The following LAMP2 variants were observed in gnomAD, a reference collection of about 807,000 sequenced individuals.
LAMP2 encodes the protein lysosome associated membrane protein 2.
Under a neutral mutation model 25.6 loss-of-function variants are expected in LAMP2, and 4 were observed. The ratio of observed to expected loss-of-function variants is 0.16; its 90% CI spans 0.08 to 0.36. The LOEUF is 0.36. Among genes scored for constraint, LAMP2 ranks in the 10% least tolerant of loss-of-function variants. The pLI, the probability that LAMP2 is intolerant of heterozygous loss-of-function variation, is 1.00. For synonymous variants in LAMP2, 108 were observed against 112.7 expected (o/e 0.96, Z 0.27); for missense variants, 272 against 301.4 (o/e 0.90, Z 0.72).
At position 120,430,333 on chromosome X, in the gene LAMP2, G is replaced by T; in HGVS notation, c.*990C>A. On this transcript the variant is annotated 3_prime_UTR_variant, in exon 9 of 9. Transcript: ENST00000200639. ...ACTGCCCCACAGGGGCCATCTTGAA[G>T]AAACAAGAGCCTAGTTGCTATGCTT... 1 of 754,650 alleles carries T rather than the reference G, an allele frequency of 1.3e-6. No individual in the cohort carries two copies. The highest frequency in any genetic ancestry group is 1.6e-6 in the Non-Finnish European group (1 of 639,397). The allele number at this position is 754,650 out of a possible 1,213,427, so 62.2% of individuals were successfully genotyped here.
intron 1 of LAMP2, among the ~76,000 whole-genome samples, chrX:120,461,624 C>T (rs1602543385): frequency 8.9e-6 from 1 of 112,091 alleles, no homozygotes; most frequent in Non-Finnish European, 1.9e-5. Context: ...CAACCCCTAG[C>T]AGTGTGTCTT....
intron 1 of LAMP2, among the ~76,000 whole-genome samples, chrX:120,467,335 CTTAG>C (rs768353737): frequency 3.4e-4 from 38 of 111,438 alleles, no homozygotes; most frequent in African/African-American, 1.2e-3. Flanking sequence ...CTGCCCTGTG[CTTAG>C]TTAGGATGTT....
chrX:120,430,659 G>T lies in LAMP2; in HGVS notation c.*664C>A. ...TAATTACGAAGCCAGTTTAAGTTCT[G>T]TTGTAGCCTCTTGGGTCTGTATCAT... On this transcript the variant is annotated 3_prime_UTR_variant, in exon 9 of 9. Coordinates refer to ENST00000200639, the MANE Select transcript of LAMP2 (RefSeq NM_002294.3). The T allele has an allele frequency of 2.7e-6, 2 of 752,681 alleles. No individual in the cohort carries two copies. The highest frequency in any genetic ancestry group is 3.1e-6 in the Non-Finnish European group (2 of 637,822). 62.0% of individuals were successfully genotyped at this position (752,681 alleles called of 1,213,427 possible). A position where few individuals can be genotyped will look rare whatever the true frequency, so the allele number is the denominator to read the frequency against.
intron 3 of LAMP2, among the ~76,000 whole-genome samples, chrX:120,452,747 T>A (rs1413476099): frequency 3.5e-5 from 3 of 84,788 alleles, no homozygotes; most frequent in African/African-American, 1.4e-4. Flanking sequence ...AGAGACAAAG[T>A]CTTAATATGT....
chrX:120,456,614 C>T (rs925848148), intron 2 of LAMP2, 37 bp downstream of exon 2: 3 of 703,812 alleles, frequency 4.3e-6, no homozygotes, highest in Non-Finnish European at 6.6e-6. Context: ...TAAATTCCTA[C>T]TATAAAACTC....
At chrX:120,459,306 C>T (rs1252490747) in intron 1 of LAMP2, among the ~76,000 whole-genome samples, 1 of 112,239 alleles carries the variant, frequency 8.9e-6, no homozygotes, top group Non-Finnish European at 1.9e-5. Context: ...CAGAAATCAC[C>T]ACCCACTATA....
At chrX:120,442,837 T>G (rs2147279636) in intron 6 of LAMP2, among the ~76,000 whole-genome samples, 175 bp from the exon 7 acceptor site, 1 of 112,194 alleles carries the variant, frequency 8.9e-6, no homozygotes, top group South Asian at 3.7e-4. Flanking sequence ...CAGAAATCCC[T>G]TTCCTCTGTA....
chrX:120,442,024 A>G, intron 7 of LAMP2, 130 bp from the exon 8 acceptor site: 1 of 546,576 alleles, frequency 1.8e-6, no homozygotes, highest in Non-Finnish European at 3.1e-6. Flanking sequence ...AGATCACGTG[A>G]GCCCAGGAGA....
chrX:120,431,117 G>C lies in LAMP2; in HGVS notation c.*206C>G. On this transcript the variant is annotated 3_prime_UTR_variant, in exon 9 of 9. Coordinates refer to ENST00000200639, the MANE Select transcript of LAMP2 (RefSeq NM_002294.3). ...GTTCTTTTGAACAAGTTTGTCTCCA[G>C]GACCAGTAAATATGACACTTTGGAT... The C allele has an allele frequency of 9.5e-7, 1 of 1,053,024 alleles. No individual in the cohort carries two copies. The allele number at this position is 1,053,024 out of a possible 1,213,427, so 86.8% of individuals were successfully genotyped here.
chrX:120,459,931 T>C lies in LAMP2; in HGVS notation c.65-3162A>G, dbSNP rs1921248562. Among the ~76,000 whole-genome samples the C allele has an allele frequency of 3.6e-5, 4 of 112,387 alleles. 1 individual carries two copies. The highest frequency in any genetic ancestry group is 1.9e-4 in the Admixed American group (2 of 10,583). Reference sequence around the variant, plus strand: ...ATTCACACATATTTTGTATGTTATATATGTGTTACATACTGTGTTTTGAAA... The same window carrying C: ...ATTCACACATATTTTGTATGTTATACATGTGTTACATACTGTGTTTTGAAA... On this transcript the variant is annotated intron_variant, in intron 1 of 8. Transcript: ENST00000200639.
intron 1 of LAMP2, among the ~76,000 whole-genome samples, chrX:120,466,623 T>G (rs949448842): frequency 1.1e-4 from 12 of 111,676 alleles, no homozygotes; most frequent in Non-Finnish European, 1.9e-4. Context: ...AGTTTTGGTG[T>G]CAGGACCCCT....
chrX:120,462,286 C>T (rs1921345278), intron 1 of LAMP2, among the ~76,000 whole-genome samples: 1 of 110,305 alleles, frequency 9.1e-6, no homozygotes, highest in African/African-American at 3.3e-5. Flanking sequence ...TTTGGGAGGC[C>T]AAGGGGGGCA....
chrX:120,448,062 G>A (rs777548090), intron 4 of LAMP2, 37 bp from the exon 5 acceptor site: 21 of 1,177,124 alleles, frequency 1.8e-5, no homozygotes, highest in Middle Eastern at 2.4e-4. Context: ...AAACCAAAGC[G>A]GACATTTTCT....
At chrX:120,464,057 GC>G (rs1443334343) in intron 1 of LAMP2, among the ~76,000 whole-genome samples, 1 of 110,118 alleles carries the variant, frequency 9.1e-6, no homozygotes, top group Non-Finnish European at 1.9e-5. Context: ...AAATCTTAGT[GC>G]TTGTTTTCTC....
chrX:120,439,775 T>C (rs1360389068), intron 8 of LAMP2, among the ~76,000 whole-genome samples: 1 of 110,812 alleles, frequency 9.0e-6, no homozygotes, highest in African/African-American at 3.3e-5. Context: ...CATATTACTT[T>C]ATCAGAAATA....
Position 120,430,537 on chromosome X carries a change from A to C in LAMP2, c.*786T>G. On this transcript the variant is annotated 3_prime_UTR_variant, in exon 9 of 9. Transcript: ENST00000200639. ...CTTTCAATACTAATCAGGCATCCAA[A>C]GAAGAACAAAACAAGAAACAAAAAA... 2.1e-5 allele frequency: 16 copies of C among 752,600 alleles called. No homozygotes were observed. Among genetic ancestry groups the C allele is most frequent in the Non-Finnish European group, 2.4e-5 (15 of 637,305 alleles). The allele number at this position is 752,600 out of a possible 1,213,427, so 62.0% of individuals were successfully genotyped here. A position where few individuals can be genotyped will look rare whatever the true frequency, so the allele number is the denominator to read the frequency against.
At chrX:120,451,132 T>G (rs2058619494) in intron 3 of LAMP2, among the ~76,000 whole-genome samples, 1 of 110,640 alleles carries the variant, frequency 9.0e-6, no homozygotes. Context: ...TTCACCATGT[T>G]GGTCTCGAAC....
At position 120,428,218 on chromosome X, in the gene LAMP2, G is replaced by A; in HGVS notation, c.*3105C>T. 4.5e-6 allele frequency: 1 copy of A among 220,656 alleles called. No individual in the cohort carries two copies. Among genetic ancestry groups the A allele is most frequent in the South Asian group, 2.6e-4 (1 of 3,776 alleles). 18.2% of individuals were successfully genotyped at this position (220,656 alleles called of 1,213,427 possible). A position where few individuals can be genotyped will look rare whatever the true frequency, so the allele number is the denominator to read the frequency against. On this transcript the variant is annotated 3_prime_UTR_variant, in exon 9 of 9. Transcript: ENST00000200639. ...AAAATGCTTTCATAATTGGATCCAG[G>A]GGCTTAAAATCATTATTTACTTAAA... is the stretch of plus-strand genomic sequence containing the variant.
rs970352116 is a variant in LAMP2 at position 120,426,688 on chromosome X, T to C, written c.*4635A>G. Among the ~76,000 whole-genome samples, 1 of 112,169 alleles carries C rather than the reference T, an allele frequency of 8.9e-6. No homozygotes were observed. The highest frequency in any genetic ancestry group is 3.2e-5 in the African/African-American group (1 of 30,934). On this transcript the variant is annotated 3_prime_UTR_variant, in exon 9 of 9. Transcript: ENST00000200639. ...TAGCAAGGTCACAAGCTGATTTTAT[T>C]AATCTGGCTTCTAGATAATCATCTC...
Sources: gnomAD v4.1 joint callset for allele counts (sites outside exome capture counted in the v4.1 genomes callset) on GRCh38, gnomAD v4.1.1 for gene constraint, MANE v1.5 for transcripts, NCBI Gene and HGNC (gene_info 2026-07-23, HGNC 2026-07-21) for gene names.